The following CLVS1 variants were observed in gnomAD, a reference collection of about 807,000 sequenced individuals.
CLVS1 encodes the protein clavesin-1.
A neutral mutation model predicts 33.1 loss-of-function variants in CLVS1; 10 were observed. The observed-to-expected ratio is 0.30, with a 90% CI of 0.19 to 0.51. CLVS1 has a LOEUF of 0.51. Ranked by LOEUF, CLVS1 falls within the 20% of genes least tolerant of loss-of-function variation. The probability of loss-of-function intolerance (pLI) is 0.97; values close to 1 mark genes in which losing one functional copy is unlikely to be tolerated. For synonymous variants in CLVS1, 163 were observed against 166.1 expected (o/e 0.98, Z 0.14); for missense variants, 343 against 433.4 (o/e 0.79, Z 1.85).
chr8:61,295,485 C>T (rs1167253194), intron 1 of CLVS1, among the ~76,000 whole-genome samples: 1 of 152,174 alleles, frequency 6.6e-6, no homozygotes, highest in Non-Finnish European at 1.5e-5. Context: ...AAGATGGCAA[C>T]TGGACATCTG....
chr8:61,022,173 C>T, the CLVS1 span, among the ~76,000 whole-genome samples: 52 of 152,204 alleles, frequency 3.4e-4, 1 homozygote, highest in Non-Finnish European at 1.3e-4. Flanking sequence ...GACCGATTTC[C>T]CTGCACATCC....
At chr8:61,378,884 GA>G (rs1813755163) in intron 3 of CLVS1, among the ~76,000 whole-genome samples, 1 of 152,132 alleles carries the variant, frequency 6.6e-6, no homozygotes, top group Admixed American at 6.6e-5. Flanking sequence ...CTGATGTCTT[GA>G]AAAAGCCGTA....
intron 1 of CLVS1, among the ~76,000 whole-genome samples, chr8:61,063,420 T>A (rs1358959621): frequency 6.6e-6 from 1 of 151,798 alleles, no homozygotes; most frequent in East Asian, 1.9e-4. Context: ...TGGAGGGTGG[T>A]GTTGAGAATA....
At chr8:61,193,260 T>G (rs1807531725) in intron 2 of CLVS1, among the ~76,000 whole-genome samples, 1 of 152,128 alleles carries the variant, frequency 6.6e-6, no homozygotes, top group Non-Finnish European at 1.5e-5. Context: ...CTCAGCAAAC[T>G]GTCACACGGA....
intron 2 of CLVS1, among the ~76,000 whole-genome samples, chr8:61,158,203 C>A (rs995380682): frequency 1.3e-5 from 2 of 152,084 alleles, no homozygotes; most frequent in East Asian, 3.9e-4. Flanking sequence ...GTGAAAGAAG[C>A]CAGATCCCCC....
chr8:61,116,545 G>A (rs1563408723), intron 1 of CLVS1, among the ~76,000 whole-genome samples: 1 of 152,154 alleles, frequency 6.6e-6, no homozygotes, highest in Non-Finnish European at 1.5e-5. Flanking sequence ...ATTGATTTTT[G>A]TATAAGGTGT....
At chr8:61,187,626 C>T (rs896914225) in intron 2 of CLVS1, among the ~76,000 whole-genome samples, 2 of 122,408 alleles carry the variant, frequency 1.6e-5, no homozygotes, top group Admixed American at 8.2e-5. Flanking sequence ...TTCTCTCCTT[C>T]CTTTAGACTT....
At position 61,152,834 on chromosome 8, in the gene CLVS1, G is replaced by A. The variant is rs78816310; in HGVS notation, c.-152+20974G>A. On this transcript the variant is annotated intron_variant, in intron 2 of 2. Coordinates refer to the CLVS1 transcript ENST00000522621. ...TTAGGGGTTCAATATATGAATTTTG[G>A]AGAGTCACATGCATAGCACTACAGG... Among the ~76,000 whole-genome samples the A allele has an allele frequency of 5.3e-4, 80 of 152,296 alleles. 1 individual carries two copies. In the East Asian group the frequency reaches 0.015, roughly 29 times the overall value.
At position 61,232,023 on chromosome 8, in the gene CLVS1, G is replaced by GTTTGTTTTT; in HGVS notation, c.-151-67651_-151-67650insGTTTTTTTT. ...AGAAGGAGCCCTGAGGAAAGTTGTG[G>GTTTGTTTTT]TTTTTTTTTTTTTTTTTTTTTTTTT... On this transcript the variant is annotated intron_variant, in intron 2 of 2. Transcript: ENST00000522621. Among the ~76,000 whole-genome samples, 10 of 62,656 alleles carry GTTTGTTTTT rather than the reference G, an allele frequency of 1.6e-4. 1 individual carries two copies. The highest frequency in any genetic ancestry group is 9.9e-4 in the South Asian group (2 of 2,028). 41.1% of individuals were successfully genotyped at this position (62,656 alleles called of 152,430 possible). A position where few individuals can be genotyped will look rare whatever the true frequency, so the allele number is the denominator to read the frequency against.
At chr8:61,423,534 C>A (rs757812460) in intron 3 of CLVS1, among the ~76,000 whole-genome samples, 1 of 152,116 alleles carries the variant, frequency 6.6e-6, no homozygotes, top group Non-Finnish European at 1.5e-5. Context: ...AAAGTGAAAC[C>A]TTGTCAGTGT....
intron 2 of CLVS1, among the ~76,000 whole-genome samples, chr8:61,339,922 TGAAA>T (rs939971622): frequency 3.2e-5 from 3 of 94,876 alleles, no homozygotes; most frequent in East Asian, 3.1e-4. Context: ...AGAAAGAGAG[TGAAA>T]GAAAGATAAA....
chr8:61,192,859 G>A (rs1807522542), intron 2 of CLVS1, among the ~76,000 whole-genome samples: 2 of 112,098 alleles, frequency 1.8e-5, no homozygotes, highest in South Asian at 5.2e-4. Context: ...TCATTAAAAA[G>A]TCAGGAAACA....
At chr8:61,215,682 A>ATGTGTGTGTGTGTGTGTG (rs72193127) in intron 2 of CLVS1, among the ~76,000 whole-genome samples, 3 of 143,730 alleles carry the variant, frequency 2.1e-5, no homozygotes, top group Non-Finnish European at 4.6e-5. Flanking sequence ...GAAATTGAAA[A>ATGTGTGTGTGTGTGTGTG]TGTGTGTGTG....
At chr8:61,429,070 G>A (rs148237852) in intron 3 of CLVS1, among the ~76,000 whole-genome samples, 36 of 152,220 alleles carry the variant, frequency 2.4e-4, no homozygotes, top group African/African-American at 7.2e-4. Context: ...CCCATATCAG[G>A]GCGCTGGCAT....
chr8:61,328,395 G>A (rs960450498), intron 2 of CLVS1, among the ~76,000 whole-genome samples: 5 of 152,146 alleles, frequency 3.3e-5, no homozygotes, highest in African/African-American at 1.2e-4. Flanking sequence ...TGAATTGAAA[G>A]GTGAGGGTCA....
At chr8:61,372,721 T>C (rs781479878) in intron 2 of CLVS1, among the ~76,000 whole-genome samples, 1 of 152,224 alleles carries the variant, frequency 6.6e-6, no homozygotes, top group Non-Finnish European at 1.5e-5. Context: ...CAGACTTTCA[T>C]TGTTTTTTGA....
intron 2 of CLVS1, among the ~76,000 whole-genome samples, chr8:61,237,449 A>G (rs557015845): frequency 2.6e-5 from 4 of 152,260 alleles, no homozygotes; most frequent in African/African-American, 9.6e-5. Context: ...CTGGAAAAAG[A>G]GGAAAAATAA....
chr8:61,194,194 A>G (rs1329919446), intron 2 of CLVS1, among the ~76,000 whole-genome samples: 1 of 152,248 alleles, frequency 6.6e-6, no homozygotes, highest in East Asian at 1.9e-4. Flanking sequence ...TGGTACATTT[A>G]TCCTAATGTA....
At chr8:61,115,824 G>A (rs532822242) in intron 1 of CLVS1, among the ~76,000 whole-genome samples, 2,457 of 146,148 alleles carry the variant, frequency 0.017, 59 homozygotes, top group African/African-American at 0.059. Flanking sequence ...GAATAATGCC[G>A]CAATAAACAT....
Sources: gnomAD v4.1 joint callset for allele counts (sites outside exome capture counted in the v4.1 genomes callset) on GRCh38, gnomAD v4.1.1 for gene constraint, MANE v1.5 for transcripts, NCBI Gene and HGNC (gene_info 2026-07-23, HGNC 2026-07-21) for gene names.